The following INPP5A variants were observed in gnomAD, a reference collection of about 807,000 sequenced individuals.
INPP5A encodes the protein inositol polyphosphate-5-phosphatase A.
In INPP5A, 14 loss-of-function variants were observed where a neutral mutation model predicts 65.2. That is an observed-to-expected ratio of 0.21 (90% CI 0.14 to 0.34). The LOEUF (loss-of-function observed/expected upper bound fraction) is 0.34, where lower values mean the gene tolerates loss of function less well. Among genes scored for constraint, INPP5A ranks in the 10% least tolerant of loss-of-function variants. The pLI is 1.00. For missense variants in INPP5A, 431 were observed against 545.6 expected, an observed-to-expected ratio of 0.79 and a Z score of 2.09; for synonymous variants, 207 against 208.3, an observed-to-expected ratio of 0.99 and a Z score of 0.05.
At chr10:132,772,418 T>C (rs1488351443) in intron 12 of INPP5A, among the ~76,000 whole-genome samples, 1 of 101,390 alleles carries the variant, frequency 9.9e-6, no homozygotes, top group African/African-American at 4.0e-5. Flanking sequence ...CCACGAGGAG[T>C]GGGACAGACA....
chr10:132,742,667 A>T (rs980422883), intron 9 of INPP5A, among the ~76,000 whole-genome samples: 5 of 152,196 alleles, frequency 3.3e-5, no homozygotes, highest in Non-Finnish European at 7.3e-5. Context: ...CCGTGAAACA[A>T]AAAGTGCCTC....
chr10:132,708,241 A>C, intron 6 of INPP5A, 72 bp from the exon 7 acceptor site: 1 of 1,329,036 alleles, frequency 7.5e-7, no homozygotes, highest in South Asian at 1.2e-5. Context: ...TGTGTCCTTT[A>C]GGTGTGTGGG....
chr10:132,682,378 G>A (rs190752514), intron 4 of INPP5A, among the ~76,000 whole-genome samples: 256 of 152,330 alleles, frequency 1.7e-3, no homozygotes, highest in Middle Eastern at 3.4e-3. Context: ...CCTGAAGGTG[G>A]GTACGATGGT....
intron 12 of INPP5A, among the ~76,000 whole-genome samples, chr10:132,768,038 A>C (rs1846882462): frequency 7.3e-6 from 1 of 136,470 alleles, no homozygotes; most frequent in Admixed American, 7.4e-5. Flanking sequence ...GTGGACCCTG[A>C]CCCTCAGCGT....
rs1205138656 is a variant in INPP5A, at chr10:132,627,057, C to T, written c.118-18811C>T. Reference sequence around the variant, plus strand: ...AGATGAGGTTATGCGGTGGGCCCCCCGGATGGGATGGGTGCCCTTACAAGA... The same window carrying T: ...AGATGAGGTTATGCGGTGGGCCCCCTGGATGGGATGGGTGCCCTTACAAGA... On this transcript the variant is annotated intron_variant, in intron 2 of 15. Coordinates refer to ENST00000368594, the MANE Select transcript of INPP5A (RefSeq NM_005539.5). The surrounding 1 kb of genome is among the most constrained non-coding windows in gnomAD (Gnocchi z 6.6). Among the ~76,000 whole-genome samples, 2 of 152,042 alleles carry T rather than the reference C, an allele frequency of 1.3e-5. No individual in the cohort carries two copies. The highest frequency in any genetic ancestry group is 4.8e-5 in the African/African-American group (2 of 41,374).
intron 2 of INPP5A, among the ~76,000 whole-genome samples, chr10:132,615,065 G>A (rs1235204443): frequency 6.6e-6 from 1 of 152,248 alleles, no homozygotes; most frequent in Admixed American, 6.5e-5. Context: ...CGATAAGAAC[G>A]CTTGCTGGGG....
At chr10:132,719,065 C>T (rs1391504490) in intron 8 of INPP5A, among the ~76,000 whole-genome samples, 2 of 147,062 alleles carry the variant, frequency 1.4e-5, no homozygotes, top group Non-Finnish European at 3.0e-5. Context: ...CCTTAGACGG[C>T]TGTCTCGCGG....
rs779682795 is a variant in INPP5A at position 132,777,900 on chromosome 10, C to T, written c.1089+118C>T. On this transcript the variant is annotated intron_variant, in intron 13 of 15. Transcript: ENST00000368594. ...GGGCACCCAGTCTGGGGAATGCTGCCAGGTTGGGCCCTGACCTCGTGCTGC... is the reference window on the plus strand; with the variant it reads ...GGGCACCCAGTCTGGGGAATGCTGCTAGGTTGGGCCCTGACCTCGTGCTGC... 2.6e-6 allele frequency: 4 copies of T among 1,524,092 alleles called. No individual in the cohort carries two copies. The South Asian group carries it at 3.7e-5, about 14-fold the overall frequency. 94.4% of individuals were successfully genotyped at this position (1,524,092 alleles called of 1,614,324 possible).
At chr10:132,743,605 T>C (rs1392791876) in intron 9 of INPP5A, among the ~76,000 whole-genome samples, 1 of 152,248 alleles carries the variant, frequency 6.6e-6, no homozygotes, top group Admixed American at 6.5e-5. Context: ...GGCAGTTTGC[T>C]TCCGAATCAG....
rs1370162183 is a variant in INPP5A at position 132,538,113 on chromosome 10, C to T, written c.17C>T (p.Ala6Val). The T allele has an allele frequency of 8.2e-6, 10 of 1,226,796 alleles. No homozygotes were observed. The highest frequency in any genetic ancestry group is 9.2e-6 in the Non-Finnish European group (9 of 981,556). 76.0% of individuals were successfully genotyped at this position (1,226,796 alleles called of 1,614,324 possible). A position where few individuals can be genotyped will look rare whatever the true frequency, so the allele number is the denominator to read the frequency against. Residue 6 changes from alanine (A) to valine (V), a missense_variant, in exon 1 of 16, where the codon GCC (alanine) becomes GTC (valine). Transcript: ENST00000368594. The surrounding 1 kb of genome is among the most constrained non-coding windows in gnomAD (Gnocchi z 4.1). ...CCGGGCACCATGGCGGGGAAGGCGG[C>T]CGCCCCGGGCACCGCGGTGCTGCTG... MAGKA[A>V]APGTAVLLVT...
chr10:132,677,701 C>T (rs528245488), intron 4 of INPP5A, among the ~76,000 whole-genome samples: 1 of 152,280 alleles, frequency 6.6e-6, no homozygotes, highest in South Asian at 2.1e-4. Context: ...TCGTGGCCAG[C>T]GAGGGCGATT....
rs540108811 is a variant in INPP5A at position 132,663,044 on chromosome 10, A to C, written c.306+12539A>C. Among the ~76,000 whole-genome samples, 3 of 152,284 alleles carry C rather than the reference A, an allele frequency of 2.0e-5. No individual in the cohort carries two copies. Among genetic ancestry groups the C allele is most frequent in the East Asian group, 3.9e-4 (2 of 5,190 alleles). On this transcript the variant is annotated intron_variant, in intron 4 of 15. Transcript: ENST00000368594. This position sits in a 1 kb window ranked among gnomAD's most constrained non-coding sequence, Gnocchi z 4.5. ...AGGGGTCAAACTGCAGATTTAATGG[A>C]AAAGGGAAGTACTTCCATCAGCAGC...
rs1244712582 is a variant in INPP5A at position 132,651,926 on chromosome 10, C to T, written c.306+1421C>T. ...CACACAAGCGGCCTCTCCTCACGCT[C>T]TGTGGGGCACACGGGGACCACGGGG... On this transcript the variant is annotated intron_variant, in intron 4 of 15. Coordinates refer to ENST00000368594, the MANE Select transcript of INPP5A (RefSeq NM_005539.5). The surrounding 1 kb of genome is among the most constrained non-coding windows in gnomAD (Gnocchi z 5.0). Among the ~76,000 whole-genome samples, 1 of 152,188 alleles carries T rather than the reference C, an allele frequency of 6.6e-6. No individual in the cohort carries two copies. The highest frequency in any genetic ancestry group is 1.5e-5 in the Non-Finnish European group (1 of 68,026).
Position 132,650,514 on chromosome 10 carries a change from C to T in INPP5A, c.306+9C>T, listed in dbSNP as rs751615106. On this transcript the variant is annotated intron_variant, in intron 4 of 15. Coordinates refer to ENST00000368594, the MANE Select transcript of INPP5A (RefSeq NM_005539.5). The surrounding 1 kb of genome is among the most constrained non-coding windows in gnomAD (Gnocchi z 5.5). Reference sequence around the variant, plus strand: ...CCCAGGAGCACTTCACGGTGAGTCCCTCCCGCTGCCTGGTGCAGGGGTCAG... The same window carrying T: ...CCCAGGAGCACTTCACGGTGAGTCCTTCCCGCTGCCTGGTGCAGGGGTCAG... 3.2e-6 allele frequency: 5 copies of T among 1,582,154 alleles called. No homozygotes were observed. Among genetic ancestry groups the T allele is most frequent in the South Asian group, 1.1e-5 (1 of 90,126 alleles).
chr10:132,694,284 G>A (rs555185272), intron 5 of INPP5A, among the ~76,000 whole-genome samples: 15 of 152,188 alleles, frequency 9.9e-5, no homozygotes, highest in Admixed American at 9.2e-4. Flanking sequence ...TAACATATGA[G>A]TCAAAGAAGT....
rs1477956003 is a variant in INPP5A, at chr10:132,705,982, C to A, written c.475-2331C>A. On this transcript the variant is annotated intron_variant, in intron 6 of 15. Transcript: ENST00000368594. This position sits in a 1 kb window ranked among gnomAD's most constrained non-coding sequence, Gnocchi z 4.9. ...AGACTTTAAGTATGTTTAAATTGCT[C>A]AAAGAGATAAGTGAAAGATAGGGTT... Among the ~76,000 whole-genome samples the A allele has an allele frequency of 1.3e-5, 2 of 152,034 alleles. No homozygotes were observed. The highest frequency in any genetic ancestry group is 4.8e-5 in the African/African-American group (2 of 41,372).
chr10:132,548,935 C>T (rs1397859580), intron 1 of INPP5A, among the ~76,000 whole-genome samples: 1 of 151,886 alleles, frequency 6.6e-6, no homozygotes, highest in Non-Finnish European at 1.5e-5. Context: ...TAGCTGGGGC[C>T]ACAGGCGCGG....
At chr10:132,719,464 C>G (rs1845818045) in intron 8 of INPP5A, among the ~76,000 whole-genome samples, 1 of 147,000 alleles carries the variant, frequency 6.8e-6, no homozygotes, top group Non-Finnish European at 1.5e-5. Context: ...GTCTGGGCAC[C>G]TTAGACGGCT....
Position 132,727,773 on chromosome 10 carries a change from C to T in INPP5A, c.732+868C>T, listed in dbSNP as rs1217867824. Among the ~76,000 whole-genome samples, 1 of 152,088 alleles carries T rather than the reference C, an allele frequency of 6.6e-6. No homozygotes were observed. Among genetic ancestry groups the T allele is most frequent in the Non-Finnish European group, 1.5e-5 (1 of 68,028 alleles). ...GGGGCCACAGTAAGTTGGATGGGGCCACGGTGAGTCAGATGGGGACACGGT... is the reference window on the plus strand; with the variant it reads ...GGGGCCACAGTAAGTTGGATGGGGCTACGGTGAGTCAGATGGGGACACGGT... On this transcript the variant is annotated intron_variant, in intron 9 of 15. Coordinates refer to ENST00000368594, the MANE Select transcript of INPP5A (RefSeq NM_005539.5). The surrounding 1 kb of genome is among the most constrained non-coding windows in gnomAD (Gnocchi z 6.5).
Sources: gnomAD v4.1 joint callset for allele counts (sites outside exome capture counted in the v4.1 genomes callset) on GRCh38, gnomAD v4.1.1 for gene constraint, Gnocchi (gnomAD v3.1) non-coding constraint, MANE v1.5 for transcripts, NCBI Gene and HGNC (gene_info 2026-07-23, HGNC 2026-07-21) for gene names.